CHD8: variants seen among roughly 807,000 people sequenced by gnomAD.
The protein encoded by CHD8 is chromodomain helicase DNA binding protein 8, also known as ATP-dependent chromatin remodeler CHD8.
Under a neutral mutation model 279.2 loss-of-function variants are expected in CHD8, and 31 were observed. That is an observed-to-expected ratio of 0.11 (90% CI 0.08 to 0.15). CHD8 has a LOEUF of 0.15. Among genes scored for constraint, CHD8 ranks in the 10% least tolerant of loss-of-function variants. The pLI, the probability that CHD8 is intolerant of heterozygous loss-of-function variation, is 1.00. For synonymous variants in CHD8, 1,081 were observed against 1,139.6 expected (o/e 0.95, Z 1.04); for missense variants, 2,146 against 3,230.5 (o/e 0.66, Z 8.14).
At chr14:21,392,358 G>A (rs938313731) in intron 34 of CHD8, 149 bp downstream of exon 34, 2 of 836,100 alleles carry the variant, frequency 2.4e-6, no homozygotes, top group East Asian at 4.9e-5. Flanking sequence ...CAGGAAAAAT[G>A]ATTCTTCCTA....
intron 4 of CHD8, chr14:21,427,118 A>G (rs904231478): frequency 2.0e-5 from 3 of 152,632 alleles, no homozygotes; most frequent in Admixed American, 1.3e-4. Flanking sequence ...AACAAATCCT[A>G]TAAGCATTAG....
chr14:21,455,229 C>T (rs1890356027), intron 1 of CHD8: 1 of 152,202 alleles, frequency 6.6e-6, no homozygotes, highest in African/African-American at 2.4e-5. Flanking sequence ...CCACTATATA[C>T]CTTTTCTGTG....
Position 21,391,081 on chromosome 14 carries a change from A to G in CHD8, c.7066-18T>C, listed in dbSNP as rs1191859144. On this transcript the variant is annotated intron_variant, in intron 36 of 37. Coordinates refer to ENST00000646647, the MANE Select transcript of CHD8 (RefSeq NM_001170629.2). Reference sequence around the variant, plus strand: ...TCCATATACTGCAATAGAAAAAATCAGTTATCCTAGAGGAATAGAAATCTT... The same window carrying G: ...TCCATATACTGCAATAGAAAAAATCGGTTATCCTAGAGGAATAGAAATCTT... 7.0e-7 allele frequency: 1 copy of G among 1,436,548 alleles called. No individual in the cohort carries two copies. The highest frequency in any genetic ancestry group is 9.6e-7 in the Non-Finnish European group (1 of 1,038,826). The allele number at this position is 1,436,548 out of a possible 1,614,324, so 89.0% of individuals were successfully genotyped here. A position where few individuals can be genotyped will look rare whatever the true frequency, so the allele number is the denominator to read the frequency against.
At chr14:21,414,470 G>GCTA in intron 8 of CHD8, 52 bp from the exon 9 acceptor site, 1 of 980,546 alleles carries the variant, frequency 1.0e-6, no homozygotes, top group Non-Finnish European at 1.6e-6. Context: ...AAGGTGGCAG[G>GCTA]CTACTGTCTG....
chr14:21,402,873 G>A lies in CHD8; in HGVS notation c.3714+144C>T, dbSNP rs537889409. 2.8e-5 allele frequency: 19 copies of A among 666,808 alleles called. No individual in the cohort carries two copies. The highest frequency in any genetic ancestry group is 1.3e-4 in the South Asian group (6 of 46,000). 41.3% of individuals were successfully genotyped at this position (666,808 alleles called of 1,614,324 possible). A position where few individuals can be genotyped will look rare whatever the true frequency, so the allele number is the denominator to read the frequency against. The stretch of plus-strand genomic sequence containing the variant: ...TACTGTCTTGTCGTTTACAGAAAAC[G>A]TTTGCTGATTCCCTGACCTAACTGC... On this transcript the variant is annotated intron_variant, in intron 18 of 37. Transcript: ENST00000646647. This position sits in a 1 kb window ranked among gnomAD's most constrained non-coding sequence, Gnocchi z 4.5.
chr14:21,400,658 T>G lies in CHD8; in HGVS notation c.4371-46A>C. The G allele has an allele frequency of 6.8e-7, 1 of 1,464,278 alleles. No homozygotes were observed. Among genetic ancestry groups the G allele is most frequent in the Non-Finnish European group, 9.1e-7 (1 of 1,095,076 alleles). The allele number at this position is 1,464,278 out of a possible 1,614,324, so 90.7% of individuals were successfully genotyped here. A position where few individuals can be genotyped will look rare whatever the true frequency, so the allele number is the denominator to read the frequency against. Reference sequence around the variant, plus strand: ...TTAACATTTTTCTGAGAAATGACAGTCCCCTGTCCCTCAGAATCATGTCTC... The same window carrying G: ...TTAACATTTTTCTGAGAAATGACAGGCCCCTGTCCCTCAGAATCATGTCTC... On this transcript the variant is annotated intron_variant, in intron 22 of 37. Transcript: ENST00000646647. This position sits in a 1 kb window ranked among gnomAD's most constrained non-coding sequence, Gnocchi z 4.2.
chr14:21,387,212 G>A (rs1887289451), intron 37 of CHD8, among the ~76,000 whole-genome samples: 1 of 152,208 alleles, frequency 6.6e-6, no homozygotes, highest in African/African-American at 2.4e-5. Context: ...TGGGCCAGGC[G>A]TGGTGGCTCA....
intron 26 of CHD8, 186 bp from the exon 27 acceptor site, chr14:21,398,138 C>T (rs1478730874): frequency 4.3e-6 from 2 of 461,014 alleles, no homozygotes; most frequent in Non-Finnish European, 7.2e-6. Flanking sequence ...AATTTAGAAT[C>T]ATGAAGAGTT....
chr14:21,445,781 C>CA (rs772154372), intron 1 of CHD8, among the ~76,000 whole-genome samples: 170 of 148,868 alleles, frequency 1.1e-3, no homozygotes, highest in Non-Finnish European at 2.0e-3. Context: ...GCGGGTGGAT[C>CA]ACGAGGTCAG....
chr14:21,394,071 A>G lies in CHD8; in HGVS notation c.5724T>C (p.Asp1908=). The change falls in exon 32 of 38, where the codon GAT becomes GAC. Residue 1908 remains aspartate, a synonymous_variant. Transcript: ENST00000646647. ...CAGGAGGCTGACACAATGCCAGCCG[A>G]TCTTCCAAAAGGGGGTGGCATAAAA... is the stretch of plus-strand genomic sequence containing the variant. ...EQVLCHPLLE[D]RLALCQPPGP... The G allele has an allele frequency of 6.2e-7, 1 of 1,613,940 alleles. No individual in the cohort carries two copies. Among genetic ancestry groups the G allele is most frequent in the Non-Finnish European group, 8.5e-7 (1 of 1,179,866 alleles).
Position 21,402,002 on chromosome 14 carries a change from T to C in CHD8, c.4017A>G (p.Thr1339=). ...DIDQILLRRT[T]TITIESEGKG... is the part of the protein sequence containing the mutation. ...TTCCTTCAGATTCAATGGTGATGGT[T>C]GTAGTTCGTCTTAACAAGATCTGGT... The change falls in exon 20 of 38, where the codon ACA becomes ACG. Residue 1339 remains threonine (T), a synonymous_variant. Transcript: ENST00000646647. This position sits in a 1 kb window ranked among gnomAD's most constrained non-coding sequence, Gnocchi z 4.5. 6.2e-7 allele frequency: 1 copy of C among 1,613,690 alleles called. No individual in the cohort carries two copies. The highest frequency in any genetic ancestry group is 8.5e-7 in the Non-Finnish European group (1 of 1,179,812).
In CHD8 at chr14:21,415,982, G is replaced by A. The variant is rs1229239280; in HGVS notation, c.1717-75C>T. The stretch of plus-strand genomic sequence containing the variant: ...AGACTTTTAAAATTATTTGCTCATG[G>A]TCATATACTTAGATTCTACTCCAAA... On this transcript the variant is annotated intron_variant, in intron 5 of 37. Coordinates refer to ENST00000646647, the MANE Select transcript of CHD8 (RefSeq NM_001170629.2). 4 of 1,237,042 alleles carry A rather than the reference G, an allele frequency of 3.2e-6. No individual in the cohort carries two copies. In the East Asian group the frequency reaches 9.3e-5, roughly 29 times the overall value. The allele number at this position is 1,237,042 out of a possible 1,614,324, so 76.6% of individuals were successfully genotyped here.
chr14:21,398,559 G>A (rs1341072665), intron 26 of CHD8: 2 of 152,148 alleles, frequency 1.3e-5, no homozygotes, highest in Non-Finnish European at 2.9e-5. Flanking sequence ...CCCATTAAAC[G>A]TCTCAAAAAA....
intron 13 of CHD8, among the ~76,000 whole-genome samples, chr14:21,407,862 G>A (rs1888320447): frequency 6.6e-6 from 1 of 152,116 alleles, no homozygotes. Flanking sequence ...GCCCACCTCG[G>A]CCTCCCAAAG....
intron 9 of CHD8, among the ~76,000 whole-genome samples, chr14:21,413,388 C>A (rs1022800043): frequency 1.3e-5 from 2 of 151,704 alleles, no homozygotes; most frequent in African/African-American, 4.8e-5. Context: ...CTGCTTTATA[C>A]CTAAACCTTT....
At position 21,385,921 on chromosome 14, in the gene CHD8, C is replaced by T. The variant is rs1196663433; in HGVS notation, c.7438G>A (p.Ala2480Thr). The T allele has an allele frequency of 6.4e-7, 1 of 1,552,798 alleles. No individual in the cohort carries two copies. Among genetic ancestry groups the T allele is most frequent in the South Asian group, 1.2e-5 (1 of 84,108 alleles). Residue 2480 changes from alanine to threonine, a missense_variant, in exon 38 of 38, where the codon GCA becomes ACA. This residue lies in a region of CHD8 where 336 missense variants were observed against 392.9 expected (regional missense o/e 0.86). Transcript: ENST00000646647. ...LPFMPFVMGG[A>T]PSSPHVDSST... ...GAGTCTACATGAGGGGATGATGGTGCACCACCCATCACAAATGGCATAAAA... is the reference window on the plus strand; with the variant it reads ...GAGTCTACATGAGGGGATGATGGTGTACCACCCATCACAAATGGCATAAAA...
At chr14:21,415,999 T>A in intron 5 of CHD8, 92 bp from the exon 6 acceptor site, 1 of 1,046,510 alleles carries the variant, frequency 9.6e-7, no homozygotes, top group South Asian at 1.6e-5. Flanking sequence ...ACTTAGATTC[T>A]ACTCCAAAAT....
Position 21,408,222 on chromosome 14 carries a change from A to G in CHD8, c.2730+90T>C, listed in dbSNP as rs1594350759. 10 of 1,461,702 alleles carry G rather than the reference A, an allele frequency of 6.8e-6. No homozygotes were observed. Among genetic ancestry groups the G allele is most frequent in the African/African-American group, 1.4e-5 (1 of 71,346 alleles). The allele number at this position is 1,461,702 out of a possible 1,614,324, so 90.5% of individuals were successfully genotyped here. ...ATAGGCATATTGAAGACTTTCAATAAAAGTCTTCTATTCATATATAGCCCT... is the reference window on the plus strand; with the variant it reads ...ATAGGCATATTGAAGACTTTCAATAGAAGTCTTCTATTCATATATAGCCCT... On this transcript the variant is annotated intron_variant, in intron 13 of 37. Transcript: ENST00000646647. This position sits in a 1 kb window ranked among gnomAD's most constrained non-coding sequence, Gnocchi z 4.3.
At chr14:21,439,567 A>C (rs1566452594) in intron 1 of CHD8, among the ~76,000 whole-genome samples, 1 of 152,174 alleles carries the variant, frequency 6.6e-6, no homozygotes, top group African/African-American at 2.4e-5. Context: ...TCTGACTCCT[A>C]TTTCTGCTGC....
Sources: allele counts gnomAD v4.1 joint callset (sites outside exome capture counted in the v4.1 genomes callset), GRCh38; gene constraint gnomAD v4.1.1; regional missense constraint gnomAD v4.1.1; non-coding constraint Gnocchi (gnomAD v3.1); transcripts MANE v1.5; gene names NCBI Gene and HGNC (gene_info 2026-07-23, HGNC 2026-07-21).